ELFN1: variants seen among roughly 807,000 people sequenced by gnomAD.
ELFN1 encodes protein ELFN1.
ELFN1 carries 6 observed loss-of-function variants against 7.6 expected under a neutral mutation model. The observed-to-expected ratio is 0.79, with a 90% CI of 0.43 to 1.56. The LOEUF (loss-of-function observed/expected upper bound fraction) is 1.56. Ranked by LOEUF, ELFN1 falls within the 40% of genes most tolerant of loss-of-function variation. The probability of loss-of-function intolerance (pLI) is 0.01; values close to 1 mark genes in which losing one functional copy is unlikely to be tolerated. For missense variants in ELFN1, 1,169 were observed against 1,232.2 expected, an observed-to-expected ratio of 0.95 and a Z score of 0.77; for synonymous variants, 657 against 588.1, an observed-to-expected ratio of 1.12 and a Z score of -1.70.
intron 2 of ELFN1, chr7:1,694,284 C>T (rs963714520): frequency 7.3e-5 from 12 of 165,012 alleles, no homozygotes; most frequent in Non-Finnish European, 5.4e-5. Flanking sequence ...GGCCTCCCTG[C>T]GGGTGGTTTT....
In ELFN1 at chr7:1,746,407, C is replaced by T. The variant is rs1157407400; in HGVS notation, c.1811C>T (p.Pro604Leu). 5.9e-6 allele frequency: 9 copies of T among 1,535,560 alleles called. No homozygotes were observed. Among genetic ancestry groups the T allele is most frequent in the African/African-American group, 4.1e-5 (3 of 72,776 alleles). The change falls in exon 4 of 4, where the codon CCG becomes CTG. Residue 604 changes from proline to leucine, a missense_variant. Pro to Leu is a moderately conservative substitution (Grantham distance 98). Around this residue, in one of 2 missense-constraint regions of ELFN1, gnomAD observed 914 missense variants for 872.6 expected, o/e 1.05. Transcript: ENST00000424383. ...CCGCCGCTGGTGCTGCTGTCCGAGC[C>T]GCTGGCCGCCAAGCACGGCTTCCTG... ...AEPPLVLLSE[P>L]LAAKHGFLAP...
At chr7:1,720,682 G>A (rs1779993110) in intron 3 of ELFN1, among the ~76,000 whole-genome samples, 1 of 152,028 alleles carries the variant, frequency 6.6e-6, no homozygotes, top group Non-Finnish European at 1.5e-5. Context: ...AGGCCCTGGA[G>A]ACCACCTCTC....
intron 1 of ELFN1, among the ~76,000 whole-genome samples, chr7:1,683,784 T>A (rs1779015113): frequency 6.6e-6 from 1 of 152,264 alleles, no homozygotes. Flanking sequence ...GACATATTTA[T>A]CATTATGAAA....
chr7:1,745,651 A>G lies in ELFN1; in HGVS notation c.1055A>G (p.Lys352Arg). The change falls in exon 4 of 4, where the codon AAG becomes AGG. Residue 352 changes from lysine to arginine, a missense_variant. Lys to Arg is a conservative substitution (Grantham distance 26, BLOSUM62 2). Coordinates refer to ENST00000424383, the MANE Select transcript of ELFN1 (RefSeq NM_001128636.4). ...MYTLEHFNNS[K>R]ASTVSRLTKA... is the part of the protein sequence containing the mutation. ...ACCCTGGAGCATTTCAACAACAGCA[A>G]GGCCTCCACCGTGTCCAGGCTGACC... is the stretch of plus-strand genomic sequence containing the variant. The G allele has an allele frequency of 6.4e-7, 1 of 1,551,234 alleles. No individual in the cohort carries two copies. The highest frequency in any genetic ancestry group is 8.7e-7 in the Non-Finnish European group (1 of 1,146,986).
intron 3 of ELFN1, among the ~76,000 whole-genome samples, chr7:1,716,627 G>C (rs1235858614): frequency 6.6e-6 from 1 of 152,216 alleles, no homozygotes; most frequent in Non-Finnish European, 1.5e-5. Context: ...CTGTGCATAC[G>C]TGTCACGTGA....
chr7:1,737,821 C>T lies in ELFN1; in HGVS notation c.-293-6483C>T, dbSNP rs146609695. ...TCCACCCTCCAGACAGGCCCAGAGC[C>T]GAGCACATTTCCAGGGTCACCTGGC... On this transcript the variant is annotated intron_variant, in intron 3 of 3. Coordinates refer to ENST00000424383, the MANE Select transcript of ELFN1 (RefSeq NM_001128636.4). 1.1e-3 allele frequency among the ~76,000 whole-genome samples: 169 copies of T among 152,278 alleles called. 1 individual carries two copies. In the East Asian group the frequency reaches 0.015, roughly 14 times the overall value.
At chr7:1,730,824 T>C (rs1294189509) in intron 3 of ELFN1, among the ~76,000 whole-genome samples, 1 of 152,080 alleles carries the variant, frequency 6.6e-6, no homozygotes, top group Non-Finnish European at 1.5e-5. Flanking sequence ...CAATAAGACA[T>C]GAAACAGAAT....
At chr7:1,683,884 C>T (rs1374772566) in intron 1 of ELFN1, among the ~76,000 whole-genome samples, 1 of 152,170 alleles carries the variant, frequency 6.6e-6, no homozygotes, top group Admixed American at 6.5e-5. Flanking sequence ...TGTGGTGGCT[C>T]ATGCCTGTAA....
At chr7:1,708,203 A>G (rs184530551) in intron 2 of ELFN1, among the ~76,000 whole-genome samples, 72 of 152,332 alleles carry the variant, frequency 4.7e-4, no homozygotes, top group Non-Finnish European at 8.7e-4. Context: ...CCCTGGCAGG[A>G]CGACTTCCCT....
rs1449059619 is a variant in ELFN1, at chr7:1,744,696, G to A, written c.100G>A (p.Gly34Ser). ...LARADCWLIE[G>S]DKGFVWLAIC... ...CCGCGCAGACTGCTGGCTGATCGAG[G>A]GCGACAAGGGCTTCGTGTGGCTGGC... is the stretch of plus-strand genomic sequence containing the variant. Residue 34 changes from glycine to serine, a missense_variant, in exon 4 of 4, where the codon GGC becomes AGC. Physicochemically the swap from Gly to Ser is moderately conservative, Grantham distance 56 (BLOSUM62 0). Coordinates refer to ENST00000424383, the MANE Select transcript of ELFN1 (RefSeq NM_001128636.4). 6.4e-7 allele frequency: 1 copy of A among 1,551,580 alleles called. No homozygotes were observed. Among genetic ancestry groups the A allele is most frequent in the Non-Finnish European group, 8.7e-7 (1 of 1,146,980 alleles).
chr7:1,730,254 G>A (rs533348913), intron 3 of ELFN1, among the ~76,000 whole-genome samples: 54 of 152,318 alleles, frequency 3.5e-4, no homozygotes, highest in Non-Finnish European at 6.8e-4. Flanking sequence ...AGGACTTTCC[G>A]GAACACATCC....
chr7:1,693,551 G>A (rs192027075), intron 2 of ELFN1: 13 of 471,258 alleles, frequency 2.8e-5, no homozygotes, highest in Non-Finnish European at 2.6e-5. Flanking sequence ...ATACACGCCT[G>A]TGGACGTAGC....
At chr7:1,712,722 A>G (rs1779698161) in intron 3 of ELFN1, among the ~76,000 whole-genome samples, 1 of 152,144 alleles carries the variant, frequency 6.6e-6, no homozygotes, top group East Asian at 1.9e-4. Flanking sequence ...GTGAGCCACC[A>G]CACCCAGGCT....
chr7:1,704,397 ACACACAAGCACACAGACACT>A (rs1779487908), intron 2 of ELFN1, among the ~76,000 whole-genome samples: 1 of 152,158 alleles, frequency 6.6e-6, no homozygotes, highest in South Asian at 2.1e-4. Context: ...TACAATACAC[ACACACAAGCACACAGACACT>A]CACACATGCA....
chr7:1,746,588 C>A lies in ELFN1; in HGVS notation c.1992C>A (p.Ala664=), dbSNP rs1166226839. 1 of 1,345,594 alleles carries A rather than the reference C, an allele frequency of 7.4e-7. No individual in the cohort carries two copies. The highest frequency in any genetic ancestry group is 1.7e-5 in the South Asian group (1 of 57,710). The allele number at this position is 1,345,594 out of a possible 1,614,324, so 83.4% of individuals were successfully genotyped here. A position where few individuals can be genotyped will look rare whatever the true frequency, so the allele number is the denominator to read the frequency against. ...CCGTCGGGGTGCACAAGGCCGCGGCCGCCGAGGCCAAGTACATCGAGAAGG... is the reference window on the plus strand; with the variant it reads ...CCGTCGGGGTGCACAAGGCCGCGGCAGCCGAGGCCAAGTACATCGAGAAGG... ...AEAVGVHKAA[A]AEAKYIEKGS... is the part of the protein sequence containing the mutation. The change falls in exon 4 of 4, where the codon GCC becomes GCA. Residue 664 remains alanine (A), a synonymous_variant. Coordinates refer to ENST00000424383, the MANE Select transcript of ELFN1 (RefSeq NM_001128636.4).
rs1444533304 is a variant in ELFN1, at chr7:1,746,982, G to C, written c.2386G>C (p.Ala796Pro). 1 of 1,559,718 alleles carries C rather than the reference G, an allele frequency of 6.4e-7. No individual in the cohort carries two copies. The highest frequency in any genetic ancestry group is 8.7e-7 in the Non-Finnish European group (1 of 1,152,888). Residue 796 changes from alanine (A) to proline (P), a missense_variant, in exon 4 of 4, where the codon GCG becomes CCG. Around this residue, in one of 2 missense-constraint regions of ELFN1, gnomAD observed 914 missense variants for 872.6 expected, o/e 1.05. Transcript: ENST00000424383. ...RHKEEEEFMAAGHALRKKVQF... is the reference protein window; with the variant it reads ...RHKEEEEFMAPGHALRKKVQF... ...CAAGGAGGAAGAGGAGTTCATGGCCGCGGGCCATGCCCTGCGCAAGAAGGT... is the reference window on the plus strand; with the variant it reads ...CAAGGAGGAAGAGGAGTTCATGGCCCCGGGCCATGCCCTGCGCAAGAAGGT...
intron 1 of ELFN1, among the ~76,000 whole-genome samples, chr7:1,684,397 T>C (rs1779026044): frequency 6.6e-6 from 1 of 152,170 alleles, no homozygotes; most frequent in Non-Finnish European, 1.5e-5. Flanking sequence ...AATCAGCCAT[T>C]GATCATATTG....
At chr7:1,727,456 C>A (rs2128596729) in intron 3 of ELFN1, among the ~76,000 whole-genome samples, 1 of 152,282 alleles carries the variant, frequency 6.6e-6, no homozygotes, top group East Asian at 1.9e-4. Context: ...GGAACTAAGT[C>A]TTGGGACCTT....
chr7:1,726,612 C>G (rs1039717934), intron 3 of ELFN1, among the ~76,000 whole-genome samples: 2 of 152,232 alleles, frequency 1.3e-5, no homozygotes, highest in African/African-American at 4.8e-5. Context: ...CCACTCGCTT[C>G]TAGCCCAGGC....
Sources: gnomAD v4.1 joint callset for allele counts (sites outside exome capture counted in the v4.1 genomes callset) on GRCh38, gnomAD v4.1.1 for gene constraint, gnomAD v4.1.1 regional missense constraint, MANE v1.5 for transcripts, NCBI Gene and HGNC (gene_info 2026-07-23, HGNC 2026-07-21) for gene names.